The following LRP2BP variants were observed in gnomAD, a reference collection of about 807,000 sequenced individuals.
LRP2BP encodes LRP2 binding protein.
LRP2BP carries 38 observed loss-of-function variants against 45.2 expected under a neutral mutation model. The ratio of observed to expected loss-of-function variants is 0.84; its 90% CI spans 0.65 to 1.10. The LOEUF is 1.10. LRP2BP is among the 50% of genes least tolerant of loss of function. The probability of loss-of-function intolerance (pLI) is 0.00; values close to 1 mark genes in which losing one functional copy is unlikely to be tolerated. For synonymous variants in LRP2BP, 153 were observed against 153.9 expected (o/e 0.99, Z 0.04); for missense variants, 385 against 418.9 (o/e 0.92, Z 0.71).
chr4:185,382,647 A>T (rs2095458956), intron 1 of LRP2BP, among the ~76,000 whole-genome samples: 1 of 152,086 alleles, frequency 6.6e-6, no homozygotes, highest in Non-Finnish European at 1.5e-5. Flanking sequence ...CCCATTTTGC[A>T]TTTGTATTTG....
At chr4:185,371,557 A>T (rs1440191500) in intron 7 of LRP2BP, among the ~76,000 whole-genome samples, 1 of 151,694 alleles carries the variant, frequency 6.6e-6, no homozygotes, top group Admixed American at 6.6e-5. Context: ...AAAAAAAAAA[A>T]AAAAAAGGAT....
chr4:185,394,240 G>C (rs536624539), intron 1 of LRP2BP, among the ~76,000 whole-genome samples: 33 of 131,054 alleles, frequency 2.5e-4, no homozygotes, highest in Non-Finnish European at 4.0e-4. Context: ...ATCTGGGCAA[G>C]ACAGCGAGAT....
intron 1 of LRP2BP, among the ~76,000 whole-genome samples, chr4:185,383,049 C>G (rs967953307): frequency 2.0e-5 from 3 of 152,166 alleles, no homozygotes; most frequent in Non-Finnish European, 4.4e-5. Context: ...TGCCCAGTAC[C>G]TGTTTGTTGA....
At position 185,377,534 on chromosome 4, in the gene LRP2BP, ACAAC is replaced by A. The variant is rs1462424029; in HGVS notation, c.107-520_107-517del. ...ACTCCATCTCAAAACAACAACAACA[ACAAC>A]AAACAATACTTGTTGATTGGTTTCA... On this transcript the variant is annotated intron_variant, in intron 2 of 8. Transcript: ENST00000505916. 272 of 168,112 alleles carry A rather than the reference ACAAC, an allele frequency of 1.6e-3. 2 individuals carry two copies. Among genetic ancestry groups the A allele is most frequent in the African/African-American group, 6.3e-3 (262 of 41,806 alleles). The allele number at this position is 168,112 out of a possible 1,614,324, so 10.4% of individuals were successfully genotyped here. A position where few individuals can be genotyped will look rare whatever the true frequency, so the allele number is the denominator to read the frequency against.
rs1469511779 is a variant in LRP2BP at position 185,370,776 on chromosome 4, A to G, written c.842T>C (p.Ile281Thr). The G allele has an allele frequency of 6.2e-7, 1 of 1,614,126 alleles. No homozygotes were observed. Among genetic ancestry groups the G allele is most frequent in the Non-Finnish European group, 8.5e-7 (1 of 1,180,024 alleles). ...CGGGAGACAGTCTGTGACCTGGGCG[A>G]TCATGGGGATGTCGTGAACCTCATC... ...DYDEVHDIPMIAQVTDCLPEF... is the reference protein window; with the variant it reads ...DYDEVHDIPMTAQVTDCLPEF... Residue 281 changes from isoleucine (I) to threonine (T), a missense_variant, in exon 8 of 9, where the codon ATC (isoleucine) becomes ACC (threonine). Transcript: ENST00000505916.
At chr4:185,379,812 TTCTCTCTCTC>T (rs34458591) in intron 1 of LRP2BP, among the ~76,000 whole-genome samples, 1 of 149,708 alleles carries the variant, frequency 6.7e-6, no homozygotes, top group Non-Finnish European at 1.5e-5. Context: ...ACCTGCGCAC[TTCTCTCTCTC>T]TCTCTCTCTC....
chr4:185,392,726 C>T (rs2095491440), intron 1 of LRP2BP, among the ~76,000 whole-genome samples: 2 of 152,038 alleles, frequency 1.3e-5, no homozygotes, highest in South Asian at 4.1e-4. Context: ...AGTATTATTG[C>T]CATAATATCA....
rs548309522 is a variant in LRP2BP at position 185,375,767 on chromosome 4, T to A, written c.217-41A>T. 1.2e-4 allele frequency: 170 copies of A among 1,375,492 alleles called. 1 individual carries two copies. In the East Asian group the frequency reaches 3.9e-3, roughly 31 times the overall value. 85.2% of individuals were successfully genotyped at this position (1,375,492 alleles called of 1,614,324 possible). ...AGATATTTAATTATTTTTATTATGATCTTAAAGTAATCCCAAAGGCACCAA... is the reference window on the plus strand; with the variant it reads ...AGATATTTAATTATTTTTATTATGAACTTAAAGTAATCCCAAAGGCACCAA... On this transcript the variant is annotated intron_variant, in intron 3 of 8. Coordinates refer to ENST00000505916, the MANE Select transcript of LRP2BP (RefSeq NM_001377440.1).
Position 185,370,775 on chromosome 4 carries a change from G to T in LRP2BP, c.843C>A (p.Ile281=). The T allele has an allele frequency of 6.2e-7, 1 of 1,614,102 alleles. No individual in the cohort carries two copies. Among genetic ancestry groups the T allele is most frequent in the Non-Finnish European group, 8.5e-7 (1 of 1,180,002 alleles). ...DYDEVHDIPM[I]AQVTDCLPEF... ...CCGGGAGACAGTCTGTGACCTGGGC[G>T]ATCATGGGGATGTCGTGAACCTCAT... The change falls in exon 8 of 9, where the codon ATC becomes ATA. Residue 281 remains isoleucine, a synonymous_variant. Coordinates refer to ENST00000505916, the MANE Select transcript of LRP2BP (RefSeq NM_001377440.1).
chr4:185,373,010 A>G lies in LRP2BP; in HGVS notation c.649T>C (p.Tyr217His), dbSNP rs2095421081. 4 of 1,613,854 alleles carry G rather than the reference A, an allele frequency of 2.5e-6. No homozygotes were observed. The highest frequency in any genetic ancestry group is 3.4e-6 in the Non-Finnish European group (4 of 1,179,704). ...TGCCGGATGCCTTGTCCATACAAGT[A>G]CATGAGCCCAAGTGCACCCTGGGAC... ...LESQGALGLM[Y>H]LYGQGIRQDT... Residue 217 changes from tyrosine to histidine, a missense_variant, in exon 7 of 9, where the codon TAC becomes CAC. Tyr to His is a moderately conservative substitution (Grantham distance 83). Transcript: ENST00000505916.
Position 185,394,992 on chromosome 4 carries a change from A to T in LRP2BP, c.-235T>A, listed in dbSNP as rs1429078093. On this transcript the variant is annotated 5_prime_UTR_variant, in exon 1 of 9. It adds an upstream start codon to the 5' untranslated region. Transcript: ENST00000505916. ...CTTGCCAGTAAGATATTGTCCCCCA[A>T]ATGTACTTATCCTGTTTTTGTGCAT... 1 of 985,298 alleles carries T rather than the reference A, an allele frequency of 1.0e-6. No individual in the cohort carries two copies. The highest frequency in any genetic ancestry group is 1.2e-6 in the Non-Finnish European group (1 of 829,936). The allele number at this position is 985,298 out of a possible 1,614,324, so 61.0% of individuals were successfully genotyped here.
At chr4:185,374,112 C>T in intron 6 of LRP2BP, 23 bp downstream of exon 6, 1 of 1,567,132 alleles carries the variant, frequency 6.4e-7, no homozygotes, top group Non-Finnish European at 8.8e-7. Flanking sequence ...ATAACACTAG[C>T]ATTAAAAAAG....
At position 185,376,931 on chromosome 4, in the gene LRP2BP, C is replaced by T. The variant is rs367747810; in HGVS notation, c.194G>A (p.Arg65Gln). Residue 65 changes from arginine (R) to glutamine (Q), a missense_variant, in exon 3 of 9, where the codon CGA becomes CAA. Coordinates refer to ENST00000505916, the MANE Select transcript of LRP2BP (RefSeq NM_001377440.1). ...LKGDTLAYFLRGQLYFEEGWY... is the reference protein window; with the variant it reads ...LKGDTLAYFLQGQLYFEEGWY... ...TACCTCTTCAAAATATAGTTGACCTCGTAGGAAATATGCCAGAGTGTCTCC... is the reference window on the plus strand; with the variant it reads ...TACCTCTTCAAAATATAGTTGACCTTGTAGGAAATATGCCAGAGTGTCTCC... 29 of 1,612,860 alleles carry T rather than the reference C, an allele frequency of 1.8e-5. No individual in the cohort carries two copies. The highest frequency in any genetic ancestry group is 2.0e-5 in the Non-Finnish European group (23 of 1,179,026).
chr4:185,378,540 C>T (rs2095445828), intron 1 of LRP2BP: 10 of 1,038,916 alleles, frequency 9.6e-6, no homozygotes, highest in Non-Finnish European at 1.2e-5. Flanking sequence ...GACCTGGTGA[C>T]ACTGCCCACA....
intron 2 of LRP2BP, 66 bp downstream of exon 2, chr4:185,378,015 G>T: frequency 8.0e-7 from 1 of 1,257,344 alleles, no homozygotes; most frequent in Non-Finnish European, 1.1e-6. Flanking sequence ...TGTCTCGTTT[G>T]CTCTAGCATG....
At position 185,371,339 on chromosome 4, in the gene LRP2BP, A is replaced by T. The variant is rs538093975; in HGVS notation, c.804-525T>A. Among the ~76,000 whole-genome samples, 142 of 152,180 alleles carry T rather than the reference A, an allele frequency of 9.3e-4. 1 individual carries two copies. Among genetic ancestry groups the T allele is most frequent in the African/African-American group, 3.2e-3 (134 of 41,534 alleles). Reference sequence around the variant, plus strand: ...CGGATCACGAGGTTAGGAGATTGAGACCATCCTGGCTAACATGGTGAAACC... The same window carrying T: ...CGGATCACGAGGTTAGGAGATTGAGTCCATCCTGGCTAACATGGTGAAACC... On this transcript the variant is annotated intron_variant, in intron 7 of 8. Transcript: ENST00000505916.
At chr4:185,377,285 G>A (rs111293486) in intron 2 of LRP2BP, 16,455 of 346,778 alleles carry the variant, frequency 0.047, 546 homozygotes, top group South Asian at 0.087. Context: ...CTGGGAGGCC[G>A]AGGCGGGTGG....
At position 185,395,284 on chromosome 4, in the gene LRP2BP, T is replaced by A; in HGVS notation, c.-527A>T. ...AAAGATATGAAATATGGAGGCACTTTCACCACACAAATATCCCACTACATA... is the reference window on the plus strand; with the variant it reads ...AAAGATATGAAATATGGAGGCACTTACACCACACAAATATCCCACTACATA... On this transcript the variant is annotated 5_prime_UTR_variant, in exon 1 of 9. Transcript: ENST00000505916. The A allele has an allele frequency of 1.0e-6, 1 of 985,464 alleles. No homozygotes were observed. The highest frequency in any genetic ancestry group is 4.7e-5 in the South Asian group (1 of 21,292). The allele number at this position is 985,464 out of a possible 1,614,324, so 61.0% of individuals were successfully genotyped here. A position where few individuals can be genotyped will look rare whatever the true frequency, so the allele number is the denominator to read the frequency against.
At position 185,364,996 on chromosome 4, in the gene LRP2BP, GAGA is replaced by G. The variant is rs939751246; in HGVS notation, c.*2181_*2183del. On this transcript the variant is annotated 3_prime_UTR_variant, in exon 9 of 9. Coordinates refer to ENST00000505916, the MANE Select transcript of LRP2BP (RefSeq NM_001377440.1). ...GAGATATCAGCTACAAGGAATCTTAGAGAAGGAGTGTGTGTGTGTGTATGTGTG... is the reference window on the plus strand; with the variant it reads ...GAGATATCAGCTACAAGGAATCTTAGAGGAGTGTGTGTGTGTGTATGTGTG... 2.0e-5 allele frequency: 3 copies of G among 146,942 alleles called. No individual in the cohort carries two copies. The highest frequency in any genetic ancestry group is 3.0e-5 in the Non-Finnish European group (2 of 67,518). 9.1% of individuals were successfully genotyped at this position (146,942 alleles called of 1,614,324 possible). A position where few individuals can be genotyped will look rare whatever the true frequency, so the allele number is the denominator to read the frequency against.
Sources: gnomAD v4.1 joint callset for allele counts (sites outside exome capture counted in the v4.1 genomes callset) on GRCh38, gnomAD v4.1.1 for gene constraint, MANE v1.5 for transcripts, NCBI Gene and HGNC (gene_info 2026-07-23, HGNC 2026-07-21) for gene names.